Variants in LRP1B observed in about 807,000 individuals in gnomAD.
The protein encoded by LRP1B is low-density lipoprotein receptor-related protein 1B.
In LRP1B, 217 loss-of-function variants were observed where a neutral mutation model predicts 556.6. The observed-to-expected ratio is 0.39, with a 90% CI of 0.35 to 0.44. The LOEUF (loss-of-function observed/expected upper bound fraction) is 0.44. Among genes scored for constraint, LRP1B ranks in the 20% least tolerant of loss-of-function variants. The probability of loss-of-function intolerance (pLI) is 1.00; values close to 1 mark genes in which losing one functional copy is unlikely to be tolerated. For synonymous variants in LRP1B, 2,047 were observed against 1,865.8 expected (o/e 1.10, Z -2.50); for missense variants, 5,053 against 5,620.8 (o/e 0.90, Z 3.23).
chr2:140,406,743 A>G (rs1157488989), intron 66 of LRP1B, among the ~76,000 whole-genome samples: 2 of 152,172 alleles, frequency 1.3e-5, no homozygotes, highest in East Asian at 1.9e-4. Context: ...GAAAGAATGA[A>G]TGTTGTGAAA....
chr2:140,994,193 A>T (rs1414533022), intron 15 of LRP1B, 58 bp from the exon 16 acceptor site: 1 of 1,482,986 alleles, frequency 6.7e-7, no homozygotes. Context: ...AGTCCATTAA[A>T]ATTTAAATCT....
chr2:140,983,588 T>G (rs751874562), intron 17 of LRP1B, among the ~76,000 whole-genome samples: 9 of 152,164 alleles, frequency 5.9e-5, no homozygotes, highest in Non-Finnish European at 1.0e-4. Flanking sequence ...CATTGTTCTA[T>G]CCTTTTAAGA....
chr2:141,430,230 C>T (rs1680514067), intron 3 of LRP1B, among the ~76,000 whole-genome samples: 1 of 152,098 alleles, frequency 6.6e-6, no homozygotes, highest in South Asian at 2.1e-4. Context: ...TAAGTACTAC[C>T]CTAGAGCTTG....
chr2:140,567,342 A>G (rs1681163780), intron 43 of LRP1B, among the ~76,000 whole-genome samples: 1 of 152,160 alleles, frequency 6.6e-6, no homozygotes, highest in Admixed American at 6.5e-5. Context: ...AGTCACCACT[A>G]TCTGCTGACT....
chr2:140,722,041 C>T (rs956581046), intron 35 of LRP1B, among the ~76,000 whole-genome samples: 22 of 151,998 alleles, frequency 1.4e-4, no homozygotes, highest in Admixed American at 1.4e-3. Flanking sequence ...CTTCTCTTCC[C>T]CTGTGGGCAG....
chr2:140,292,805 G>A (rs1683444744), intron 84 of LRP1B, among the ~76,000 whole-genome samples: 1 of 152,090 alleles, frequency 6.6e-6, no homozygotes, highest in Non-Finnish European at 1.5e-5. Context: ...ATTCACTGAT[G>A]AACTGACTCA....
chr2:140,887,340 T>G (rs1391293275), intron 23 of LRP1B, among the ~76,000 whole-genome samples: 2 of 152,200 alleles, frequency 1.3e-5, no homozygotes, highest in Admixed American at 6.5e-5. Flanking sequence ...TTAGCTCTTA[T>G]GTTAGGTCTT....
chr2:140,361,791 A>C (rs755546602), intron 72 of LRP1B, among the ~76,000 whole-genome samples: 1 of 151,380 alleles, frequency 6.6e-6, no homozygotes, highest in Non-Finnish European at 1.5e-5. Flanking sequence ...TTAATACCAC[A>C]TTTTATGCTG....
At chr2:141,603,159 AC>A (rs1164790941) in intron 2 of LRP1B, among the ~76,000 whole-genome samples, 2 of 152,198 alleles carry the variant, frequency 1.3e-5, no homozygotes, top group Non-Finnish European at 2.9e-5. Flanking sequence ...TCAGTATCTG[AC>A]TCAAGCAAGT....
intron 1 of LRP1B, among the ~76,000 whole-genome samples, chr2:141,991,544 A>T (rs988157260): frequency 6.6e-6 from 1 of 152,020 alleles, no homozygotes; most frequent in Non-Finnish European, 1.5e-5. Flanking sequence ...CACATATATA[A>T]GTAACTATTT....
At chr2:141,632,869 C>CAAAAAAAAAA (rs55807294) in intron 2 of LRP1B, among the ~76,000 whole-genome samples, 1 of 133,240 alleles carries the variant, frequency 7.5e-6, no homozygotes, top group Non-Finnish European at 1.6e-5. Context: ...CTACAAGAAC[C>CAAAAAAAAAA]AAAAAAAAAA....
At position 142,038,322 on chromosome 2, in the gene LRP1B, T is replaced by A. The variant is rs548542079; in HGVS notation, c.82+92326A>T. On this transcript the variant is annotated intron_variant, in intron 1 of 90. Coordinates refer to ENST00000389484, the MANE Select transcript of LRP1B (RefSeq NM_018557.3). ...ATTGGAGCCTTAAATTTTAAATAAT[T>A]CTGTATGAATTAGGACTAAAGATGC... Among the ~76,000 whole-genome samples the A allele has an allele frequency of 7.9e-5, 12 of 151,656 alleles. No individual in the cohort carries two copies. The South Asian group carries it at 2.5e-3, about 31-fold the overall frequency.
At chr2:141,540,055 C>G (rs1274458463) in intron 2 of LRP1B, among the ~76,000 whole-genome samples, 2 of 152,074 alleles carry the variant, frequency 1.3e-5, no homozygotes, top group East Asian at 1.9e-4. Context: ...CTGCTCAAGT[C>G]ATGATAATGC....
At chr2:140,575,965 C>T (rs1229039269) in intron 43 of LRP1B, among the ~76,000 whole-genome samples, 1 of 151,412 alleles carries the variant, frequency 6.6e-6, no homozygotes, top group Non-Finnish European at 1.5e-5. Flanking sequence ...TCAAAGAACG[C>T]GTTCAGCCAA....
intron 63 of LRP1B, among the ~76,000 whole-genome samples, chr2:140,445,989 A>G (rs1370850974): frequency 3.3e-5 from 5 of 152,134 alleles, no homozygotes; most frequent in African/African-American, 7.2e-5. Context: ...TATAATTACA[A>G]TATTAAATAA....
At chr2:141,859,363 G>A (rs2105785333) in intron 1 of LRP1B, among the ~76,000 whole-genome samples, 1 of 152,206 alleles carries the variant, frequency 6.6e-6, no homozygotes, top group Middle Eastern at 3.4e-3. Context: ...AAGGCATTGG[G>A]CCATCCTCTC....
At chr2:141,572,679 G>A (rs1352446551) in intron 2 of LRP1B, among the ~76,000 whole-genome samples, 2 of 152,076 alleles carry the variant, frequency 1.3e-5, no homozygotes, top group East Asian at 1.9e-4. Context: ...CTGTATTGAG[G>A]AAACCCATCT....
intron 15 of LRP1B, 147 bp downstream of exon 15, chr2:141,005,188 A>T: frequency 1.1e-6 from 1 of 880,208 alleles, no homozygotes; most frequent in Non-Finnish European, 1.6e-6. Context: ...TTAATCAGTT[A>T]ATAATTTATA....
At chr2:140,367,081 A>G (rs1682794945) in intron 71 of LRP1B, among the ~76,000 whole-genome samples, 1 of 151,720 alleles carries the variant, frequency 6.6e-6, no homozygotes, top group Non-Finnish European at 1.5e-5. Flanking sequence ...GCCTGAGGAC[A>G]GCTACAGGCA....
Sources: gnomAD v4.1 joint callset for allele counts (sites outside exome capture counted in the v4.1 genomes callset) on GRCh38, gnomAD v4.1.1 for gene constraint, MANE v1.5 for transcripts, NCBI Gene and HGNC (gene_info 2026-07-23, HGNC 2026-07-21) for gene names.